FAM20A: variants seen among roughly 807,000 people sequenced by gnomAD.
FAM20A encodes the protein pseudokinase FAM20A.
A neutral mutation model predicts 52.0 loss-of-function variants in FAM20A; 42 were observed. The ratio of observed to expected loss-of-function variants is 0.81; its 90% CI spans 0.63 to 1.04. The LOEUF (loss-of-function observed/expected upper bound fraction) is 1.04. Ranked by LOEUF, FAM20A falls within the 50% of genes least tolerant of loss-of-function variation. The pLI, the probability that FAM20A is intolerant of heterozygous loss-of-function variation, is 0.00. For missense variants in FAM20A, 742 were observed against 712.7 expected (o/e 1.04, Z -0.47); for synonymous variants, 304 against 298.9 (o/e 1.02, Z -0.18).
chr17:68,543,608 C>T, intron 5 of FAM20A, 21 bp downstream of exon 5: 7 of 1,611,234 alleles, frequency 4.3e-6, no homozygotes, highest in South Asian at 1.1e-5. Flanking sequence ...GCAATGCCAT[C>T]TCCATGGGGC....
rs77764074 is a variant in FAM20A at position 68,567,053 on chromosome 17, C to T, written c.405-11310G>A. On this transcript the variant is annotated intron_variant, in intron 1 of 10. Transcript: ENST00000592554. Reference sequence around the variant, plus strand: ...TTGCTTTGGATGTGATTGCATCCACCGCCCTAGCTTCAATGATCACTTGTG... The same window carrying T: ...TTGCTTTGGATGTGATTGCATCCACTGCCCTAGCTTCAATGATCACTTGTG... Among the ~76,000 whole-genome samples, 527 of 150,054 alleles carry T rather than the reference C, an allele frequency of 3.5e-3. 13 individuals are homozygous for T. Among genetic ancestry groups the T allele is most frequent in the African/African-American group, 0.012 (460 of 39,422 alleles).
chr17:68,544,531 C>T (rs527903120), intron 4 of FAM20A, among the ~76,000 whole-genome samples: 4 of 152,206 alleles, frequency 2.6e-5, no homozygotes, highest in South Asian at 2.1e-4. Flanking sequence ...ACTGTTGAAA[C>T]GACTGCAAGG....
At position 68,551,943 on chromosome 17, in the gene FAM20A, G is replaced by T; in HGVS notation, c.649C>A (p.Pro217Thr). The part of the protein sequence containing the change: ...GACDCTQIVK[P>T]SGVHLKLVLR... ...ACCAGCTTGAGGTGGACCCCACTGG[G>T]TTTCACAACTGTGAAAGGCAGAAGG... The change falls in exon 4 of 11, where the codon CCC (proline) becomes ACC (threonine). Residue 217 changes from proline (P) to threonine (T), a missense_variant. Pro to Thr is a conservative substitution (Grantham distance 38). Coordinates refer to ENST00000592554, the MANE Select transcript of FAM20A (RefSeq NM_017565.4). The T allele has an allele frequency of 6.3e-7, 1 of 1,584,668 alleles. No homozygotes were observed. Among genetic ancestry groups the T allele is most frequent in the Non-Finnish European group, 8.6e-7 (1 of 1,163,210 alleles).
At chr17:68,590,710 T>C (rs1243060106) in intron 1 of FAM20A, among the ~76,000 whole-genome samples, 1 of 152,148 alleles carries the variant, frequency 6.6e-6, no homozygotes, top group Non-Finnish European at 1.5e-5. Context: ...CAGACACAAG[T>C]TGAGAAACTT....
chr17:68,559,055 G>T (rs1415624169), intron 1 of FAM20A, among the ~76,000 whole-genome samples: 1 of 152,162 alleles, frequency 6.6e-6, no homozygotes, highest in Non-Finnish European at 1.5e-5. Context: ...ACCACACCTC[G>T]CCAGATATTT....
At chr17:68,543,265 A>T (rs1388131945) in intron 5 of FAM20A, among the ~76,000 whole-genome samples, 3 of 152,102 alleles carry the variant, frequency 2.0e-5, no homozygotes, top group African/African-American at 7.2e-5. Flanking sequence ...GAGGGAGTGG[A>T]ATGTTTAGGA....
intron 1 of FAM20A, among the ~76,000 whole-genome samples, chr17:68,556,685 A>C (rs1438022656): frequency 6.6e-6 from 1 of 152,096 alleles, no homozygotes; most frequent in Non-Finnish European, 1.5e-5. Flanking sequence ...GGGATGAGAG[A>C]GGCAGGTTGA....
chr17:68,562,325 C>CTATAT (rs2087237235), intron 1 of FAM20A, among the ~76,000 whole-genome samples: 3 of 152,112 alleles, frequency 2.0e-5, no homozygotes, highest in Non-Finnish European at 4.4e-5. Flanking sequence ...TATGTAGTGA[C>CTATAT]GTAGAAGGAT....
chr17:68,600,654 G>T lies in FAM20A; in HGVS notation c.13C>A (p.Arg5Ser), dbSNP rs766476867. The T allele has an allele frequency of 1.9e-5, 30 of 1,546,844 alleles. No homozygotes were observed. In the Admixed American group the frequency reaches 5.0e-4, roughly 26 times the overall value. The change falls in exon 1 of 11, where the codon CGC becomes AGC. Residue 5 changes from arginine (R) to serine (S), a missense_variant. Physicochemically the swap from Arg to Ser is moderately radical, Grantham distance 110 (BLOSUM62 -1). Transcript: ENST00000592554. The surrounding 1 kb of genome is among the most constrained non-coding windows in gnomAD (Gnocchi z 6.2). ...AGCAGAGTCAGTAGGCGGTCCCGGC[G>T]CAGCCCCGGCATGGCGTGCTGGCCA... MPGL[R>S]RDRLLTLLLL...
intron 1 of FAM20A, among the ~76,000 whole-genome samples, chr17:68,561,762 T>C (rs2087221310): frequency 6.6e-6 from 1 of 152,182 alleles, no homozygotes; most frequent in South Asian, 2.1e-4. Flanking sequence ...GATGAGCGTG[T>C]AGTTGGCACA....
chr17:68,584,382 T>A (rs756087122), intron 1 of FAM20A, among the ~76,000 whole-genome samples: 9 of 151,854 alleles, frequency 5.9e-5, no homozygotes, highest in Non-Finnish European at 1.2e-4. Context: ...GCTTAAGATC[T>A]AATGAGGCTA....
At chr17:68,548,725 ATTTTTTTTTTTT>A (rs753348891) in intron 4 of FAM20A, among the ~76,000 whole-genome samples, 8 of 79,158 alleles carry the variant, frequency 1.0e-4, no homozygotes, top group South Asian at 4.9e-4. Context: ...ATGCCTGTAT[ATTTTTTTTTTTT>A]TTTTTTTTTT....
chr17:68,552,154 C>G (rs141762940), intron 3 of FAM20A, among the ~76,000 whole-genome samples: 330 of 152,042 alleles, frequency 2.2e-3, no homozygotes, highest in African/African-American at 7.6e-3. Context: ...CAAGACAGTA[C>G]TTTTTACTTT....
intron 1 of FAM20A, among the ~76,000 whole-genome samples, chr17:68,581,402 C>CTTTCTTTCTTTCTTTCTTTA (rs2087967612): frequency 7.0e-6 from 1 of 142,678 alleles, no homozygotes; most frequent in African/African-American, 2.7e-5. Flanking sequence ...TTCTTTCTTT[C>CTTTCTTTCTTTCTTTCTTTA]TTTCTTTCTT....
chr17:68,590,787 G>A (rs937099235), intron 1 of FAM20A, among the ~76,000 whole-genome samples: 1 of 152,068 alleles, frequency 6.6e-6, no homozygotes, highest in African/African-American at 2.4e-5. Context: ...ATCTTGGTTC[G>A]GGGGAACTGC....
At chr17:68,539,847 G>C in intron 9 of FAM20A, 38 bp downstream of exon 9, 2 of 1,596,210 alleles carry the variant, frequency 1.3e-6, no homozygotes, top group South Asian at 2.2e-5. Flanking sequence ...CAGCACATCT[G>C]GGAGAGGGGA....
At chr17:68,595,585 C>T (rs539081468) in intron 1 of FAM20A, among the ~76,000 whole-genome samples, 5 of 152,300 alleles carry the variant, frequency 3.3e-5, no homozygotes, top group East Asian at 3.9e-4. Flanking sequence ...TAACCACACA[C>T]GGGCCGTGGT....
At chr17:68,547,097 G>A (rs1195847061) in intron 4 of FAM20A, among the ~76,000 whole-genome samples, 1 of 151,998 alleles carries the variant, frequency 6.6e-6, no homozygotes, top group African/African-American at 2.4e-5. Flanking sequence ...CAGATGTGTG[G>A]TCATCCAGGC....
chr17:68,555,829 T>C, intron 1 of FAM20A, 86 bp from the exon 2 acceptor site: 2 of 1,434,964 alleles, frequency 1.4e-6, no homozygotes, highest in Non-Finnish European at 2.0e-6. Context: ...TTATTCATCC[T>C]TTCATTTATT....
Sources: allele counts gnomAD v4.1 joint callset (sites outside exome capture counted in the v4.1 genomes callset), GRCh38; gene constraint gnomAD v4.1.1; non-coding constraint Gnocchi (gnomAD v3.1); transcripts MANE v1.5; gene names NCBI Gene and HGNC (gene_info 2026-07-23, HGNC 2026-07-21).